Variants in RABGAP1L observed in about 807,000 individuals in gnomAD.
RABGAP1L encodes rab GTPase-activating protein 1-like.
RABGAP1L carries 63 observed loss-of-function variants against 137.7 expected under a neutral mutation model. The observed-to-expected ratio is 0.46, with a 90% CI of 0.37 to 0.56. The LOEUF (loss-of-function observed/expected upper bound fraction) is 0.56, where lower values mean the gene tolerates loss of function less well. RABGAP1L is among the 20% of genes least tolerant of loss of function. RABGAP1L has a pLI of 0.00. For synonymous variants in RABGAP1L, 431 were observed against 433.7 expected (o/e 0.99, Z 0.08); for missense variants, 1,095 against 1,244.0 (o/e 0.88, Z 1.80).
chr1:174,790,556 C>T (rs1687771900), intron 18 of RABGAP1L, among the ~76,000 whole-genome samples: 1 of 151,844 alleles, frequency 6.6e-6, no homozygotes, highest in African/African-American at 2.4e-5. Context: ...ATCGCTTGAA[C>T]CCAGGAGGCA....
chr1:174,572,481 G>C (rs1668055247), intron 13 of RABGAP1L, among the ~76,000 whole-genome samples: 1 of 152,066 alleles, frequency 6.6e-6, no homozygotes, highest in African/African-American at 2.4e-5. Context: ...TGCCTTTAGG[G>C]TTCAAGCAAT....
intron 17 of RABGAP1L, among the ~76,000 whole-genome samples, chr1:174,727,016 C>T (rs114992557): frequency 6.6e-6 from 1 of 152,100 alleles, no homozygotes; most frequent in Non-Finnish European, 1.5e-5. Flanking sequence ...TTTTGTGACT[C>T]CTCAGGCACC....
At chr1:174,638,587 G>A (rs965596676) in intron 14 of RABGAP1L, among the ~76,000 whole-genome samples, 1 of 149,552 alleles carries the variant, frequency 6.7e-6, no homozygotes, top group Admixed American at 6.7e-5. Flanking sequence ...ACATGCACAC[G>A]TATGTTTATT....
intron 13 of RABGAP1L, among the ~76,000 whole-genome samples, chr1:174,422,152 G>C (rs1173028361): frequency 1.3e-5 from 2 of 152,162 alleles, no homozygotes; most frequent in Admixed American, 1.3e-4. Flanking sequence ...TACTTAGAAA[G>C]ATCCTGTGTT....
At chr1:174,702,042 G>A in intron 16 of RABGAP1L, 71 bp from the exon 17 acceptor site, 1 of 1,432,662 alleles carries the variant, frequency 7.0e-7, no homozygotes, top group Non-Finnish European at 9.5e-7. Flanking sequence ...GTAAGTTGCA[G>A]TTGTGGCAGG....
intron 13 of RABGAP1L, among the ~76,000 whole-genome samples, chr1:174,441,249 T>A (rs555546116): frequency 6.6e-6 from 1 of 151,628 alleles, no homozygotes; most frequent in East Asian, 1.9e-4. Flanking sequence ...TAAAAAAAAA[T>A]GGCAATAATA....
chr1:174,763,475 C>G (rs973786108), intron 18 of RABGAP1L, among the ~76,000 whole-genome samples: 10 of 150,906 alleles, frequency 6.6e-5, no homozygotes, highest in African/African-American at 2.4e-4. Flanking sequence ...ACGGTGAAAC[C>G]CCGTCTCTAC....
chr1:174,504,414 GA>G (rs550618377), intron 13 of RABGAP1L, among the ~76,000 whole-genome samples: 17,308 of 140,500 alleles, frequency 0.12, 3,360 homozygotes, highest in African/African-American at 0.41. Flanking sequence ...AAACTTGAGG[GA>G]AAAAAAAAAA....
chr1:174,354,085 G>C (rs903206220), intron 11 of RABGAP1L, among the ~76,000 whole-genome samples: 5 of 152,036 alleles, frequency 3.3e-5, no homozygotes, highest in African/African-American at 1.2e-4. Context: ...CTTCCTTTTA[G>C]AATTCCATGC....
rs61414923 is a variant in RABGAP1L, at chr1:174,516,120, TACACACAC to T, written c.1711-121216_1711-121209del. On this transcript the variant is annotated intron_variant, in intron 13 of 25. Transcript: ENST00000681986. ...AGTCAAGGGATGAAAACTGAAGCTC[TACACACAC>T]ACACACACACACACACACACACACA... Among the ~76,000 whole-genome samples the T allele has an allele frequency of 2.7e-3, 356 of 133,302 alleles. 2 individuals are homozygous for T. Among genetic ancestry groups the T allele is most frequent in the African/African-American group, 8.8e-3 (297 of 33,906 alleles). 87.5% of individuals were successfully genotyped at this position (133,302 alleles called of 152,430 possible).
intron 19 of RABGAP1L, among the ~76,000 whole-genome samples, chr1:174,813,208 T>C (rs930039690): frequency 6.6e-6 from 1 of 152,122 alleles, no homozygotes; most frequent in Non-Finnish European, 1.5e-5. Flanking sequence ...AGTAATCCTC[T>C]TGAGAGATGA....
rs146609673 is a variant in RABGAP1L at position 174,326,386 on chromosome 1, C to T, written c.1465+21259C>T. ...TCATATAAAAAATCAAATAGAAATC[C>T]TGGAGTTGAAGGATATAATAAACAA... On this transcript the variant is annotated intron_variant, in intron 11 of 25. Coordinates refer to ENST00000681986, the MANE Select transcript of RABGAP1L (RefSeq NM_001366446.1). Among the ~76,000 whole-genome samples, 92 of 152,060 alleles carry T rather than the reference C, an allele frequency of 6.1e-4. 1 individual carries two copies. The highest frequency in any genetic ancestry group is 1.9e-3 in the South Asian group (9 of 4,810).
chr1:174,609,444 T>A (rs1291981101), intron 13 of RABGAP1L, among the ~76,000 whole-genome samples: 2 of 152,128 alleles, frequency 1.3e-5, no homozygotes, highest in African/African-American at 2.4e-5. Context: ...ATGACATACA[T>A]ATCAAAAGCA....
At chr1:174,436,056 T>G (rs1425271922) in intron 13 of RABGAP1L, among the ~76,000 whole-genome samples, 2 of 152,206 alleles carry the variant, frequency 1.3e-5, no homozygotes, top group African/African-American at 2.4e-5. Context: ...AGTCTATCAT[T>G]GTTGGACATT....
intron 10 of RABGAP1L, among the ~76,000 whole-genome samples, chr1:174,280,921 TCTTC>T (rs1193692567): frequency 2.0e-5 from 3 of 152,072 alleles, no homozygotes; most frequent in Non-Finnish European, 4.4e-5. Context: ...GTCTGGAGTT[TCTTC>T]CTTCTGGTGG....
intron 19 of RABGAP1L, among the ~76,000 whole-genome samples, chr1:174,932,756 A>T (rs191787062): frequency 2.2e-3 from 336 of 152,200 alleles, no homozygotes; most frequent in Non-Finnish European, 3.3e-3. Flanking sequence ...TTATTCTACC[A>T]TTATTTATTT....
intron 13 of RABGAP1L, among the ~76,000 whole-genome samples, chr1:174,400,627 C>T (rs1432860611): frequency 6.6e-6 from 1 of 152,062 alleles, no homozygotes; most frequent in Non-Finnish European, 1.5e-5. Context: ...TGTAGGAAAC[C>T]TATTCATCTT....
chr1:174,732,313 A>C (rs561858537), intron 17 of RABGAP1L, among the ~76,000 whole-genome samples: 1 of 152,204 alleles, frequency 6.6e-6, no homozygotes, highest in African/African-American at 2.4e-5. Context: ...AGTTGTAAGA[A>C]CCATGACTGA....
chr1:174,209,312 C>A (rs1668709010), intron 1 of RABGAP1L, among the ~76,000 whole-genome samples: 2 of 152,086 alleles, frequency 1.3e-5, no homozygotes, highest in Admixed American at 1.3e-4. Flanking sequence ...CTTTTCCAGG[C>A]CTTGGCTCTT....
Sources: allele counts gnomAD v4.1 joint callset (sites outside exome capture counted in the v4.1 genomes callset), GRCh38; gene constraint gnomAD v4.1.1; transcripts MANE v1.5; gene names NCBI Gene and HGNC (gene_info 2026-07-23, HGNC 2026-07-21).